Variants in KLHDC1 observed in about 807,000 individuals in gnomAD.
The protein encoded by KLHDC1 is kelch domain-containing protein 1.
KLHDC1 carries 53 observed loss-of-function variants against 68.3 expected under a neutral mutation model. The ratio of observed to expected loss-of-function variants is 0.78; its 90% CI spans 0.62 to 0.98. The LOEUF (loss-of-function observed/expected upper bound fraction) is 0.98. Ranked by LOEUF, KLHDC1 falls within the 50% of genes least tolerant of loss-of-function variation. KLHDC1 has a pLI of 0.00. For missense variants in KLHDC1, 470 were observed against 492.3 expected (o/e 0.95, Z 0.43); for synonymous variants, 148 against 159.0 (o/e 0.93, Z 0.52).
Position 49,709,151 on chromosome 14 carries a change from A to AT in KLHDC1, c.97-3dup. On this transcript the variant is annotated splice_region_variant and splice_polypyrimidine_tract_variant and intron_variant, in intron 1 of 12. Transcript: ENST00000359332. ...ATAAACATAATTTTATGTATTCTGT[A>AT]TTTTTAGTCTATTGAAGACAATGAA... is the stretch of plus-strand genomic sequence containing the variant. The AT allele has an allele frequency of 8.8e-7, 1 of 1,137,168 alleles. No individual in the cohort carries two copies. 70.4% of individuals were successfully genotyped at this position (1,137,168 alleles called of 1,614,324 possible).
At position 49,741,555 on chromosome 14, in the gene KLHDC1, C is replaced by T. The variant is rs149295020; in HGVS notation, c.981+1373C>T. 5.3e-3 allele frequency among the ~76,000 whole-genome samples: 807 copies of T among 152,228 alleles called. 7 individuals are homozygous for T. The highest frequency in any genetic ancestry group is 0.019 in the African/African-American group (773 of 41,530). The stretch of plus-strand genomic sequence containing the variant: ...CTCCTGACCTCAAGTGATCCACTCA[C>T]CTCAGCCTCCCGAAGTGCAGGGATT... On this transcript the variant is annotated intron_variant, in intron 11 of 12. Coordinates refer to ENST00000359332, the MANE Select transcript of KLHDC1 (RefSeq NM_172193.3).
At chr14:49,699,097 G>A (rs1428514089) in intron 1 of KLHDC1, among the ~76,000 whole-genome samples, 1 of 150,204 alleles carries the variant, frequency 6.7e-6, no homozygotes, top group Non-Finnish European at 1.5e-5. Flanking sequence ...CCAGAAGGCG[G>A]AGGTTGCAGT....
chr14:49,743,271 G>T (rs1208404962), intron 11 of KLHDC1, among the ~76,000 whole-genome samples: 1 of 151,110 alleles, frequency 6.6e-6, no homozygotes, highest in East Asian at 1.9e-4. Context: ...ATGGTAGTGG[G>T]CGCCTGTAAT....
At position 49,751,797 on chromosome 14, in the gene KLHDC1, G is replaced by A. The variant is rs375482922; in HGVS notation, c.*25G>A. 16 of 1,276,340 alleles carry A rather than the reference G, an allele frequency of 1.3e-5. No individual in the cohort carries two copies. Among genetic ancestry groups the A allele is most frequent in the Admixed American group, 2.4e-5 (1 of 42,340 alleles). 79.1% of individuals were successfully genotyped at this position (1,276,340 alleles called of 1,614,324 possible). A position where few individuals can be genotyped will look rare whatever the true frequency, so the allele number is the denominator to read the frequency against. ...AATTGTTATATACTTTACATATTTA[G>A]TATGTTTTAACTTTTTAATCAGACT... is the stretch of plus-strand genomic sequence containing the variant. On this transcript the variant is annotated 3_prime_UTR_variant, in exon 13 of 13. Transcript: ENST00000359332.
At chr14:49,693,413 G>GC (rs1324834052) in intron 1 of KLHDC1, 123 bp downstream of exon 1, 14 of 527,838 alleles carry the variant, frequency 2.7e-5, no homozygotes, top group Non-Finnish European at 3.5e-5. Flanking sequence ...GGCGCCTGCA[G>GC]CCCCCCAGCC....
intron 1 of KLHDC1, among the ~76,000 whole-genome samples, chr14:49,698,918 C>T (rs1887820476): frequency 6.6e-6 from 1 of 151,822 alleles, no homozygotes; most frequent in African/African-American, 2.4e-5. Flanking sequence ...GTAATCCCAG[C>T]ACTTTGGAGG....
intron 1 of KLHDC1, among the ~76,000 whole-genome samples, chr14:49,706,565 C>G (rs1007600099): frequency 3.3e-5 from 5 of 152,196 alleles, no homozygotes; most frequent in East Asian, 1.9e-4. Context: ...AAACTGTTCT[C>G]CATAGTAGTT....
intron 5 of KLHDC1, 42 bp downstream of exon 5, chr14:49,723,994 A>G (rs368016131): frequency 1.9e-5 from 22 of 1,147,178 alleles, no homozygotes; most frequent in Non-Finnish European, 2.3e-5. Flanking sequence ...CCAAGTCAGT[A>G]TAGCCTTAAC....
At chr14:49,694,790 G>C (rs563887990) in intron 1 of KLHDC1, among the ~76,000 whole-genome samples, 1 of 152,280 alleles carries the variant, frequency 6.6e-6, no homozygotes, top group East Asian at 1.9e-4. Flanking sequence ...GGAGGCGGAG[G>C]TTGCAGTAAG....
Position 49,711,378 on chromosome 14 carries a change from T to A in KLHDC1, c.404+997T>A, listed in dbSNP as rs190037586. On this transcript the variant is annotated intron_variant, in intron 4 of 12. Transcript: ENST00000359332. ...CACCACGCTGGCTAATTTTTTTTTGTATTTTTATTAGAGACAGGGTTTCAC... is the reference window on the plus strand; with the variant it reads ...CACCACGCTGGCTAATTTTTTTTTGAATTTTTATTAGAGACAGGGTTTCAC... 7.0e-4 allele frequency among the ~76,000 whole-genome samples: 106 copies of A among 152,182 alleles called. 2 individuals carry two copies. In the East Asian group the frequency reaches 0.018, roughly 26 times the overall value.
chr14:49,734,576 CATG>C lies in KLHDC1; in HGVS notation c.824-10_824-8del. ...GACCTAATCTTAATTTCTGAACTGT[CATG>C]ATATTGCAGGTGATGGTTGGATTCA... On this transcript the variant is annotated splice_polypyrimidine_tract_variant and intron_variant, in intron 9 of 12. Coordinates refer to ENST00000359332, the MANE Select transcript of KLHDC1 (RefSeq NM_172193.3). The C allele has an allele frequency of 1.3e-6, 2 of 1,524,228 alleles. No individual in the cohort carries two copies. Among genetic ancestry groups the C allele is most frequent in the Non-Finnish European group, 1.8e-6 (2 of 1,115,046 alleles). 94.4% of individuals were successfully genotyped at this position (1,524,228 alleles called of 1,614,324 possible).
intron 4 of KLHDC1, among the ~76,000 whole-genome samples, chr14:49,723,573 C>T (rs1888590624): frequency 1.3e-5 from 2 of 152,058 alleles, no homozygotes; most frequent in Non-Finnish European, 2.9e-5. Flanking sequence ...TTTGCCATGC[C>T]AATATAAATG....
chr14:49,726,772 G>T (rs552328209), intron 6 of KLHDC1, among the ~76,000 whole-genome samples: 1 of 152,298 alleles, frequency 6.6e-6, no homozygotes, highest in African/African-American at 2.4e-5. Context: ...TCAGGAACCG[G>T]AGCAGGTTAC....
chr14:49,751,823 A>G lies in KLHDC1; in HGVS notation c.*51A>G, dbSNP rs534606480. On this transcript the variant is annotated 3_prime_UTR_variant, in exon 13 of 13. Transcript: ENST00000359332. The stretch of plus-strand genomic sequence containing the variant: ...TATGTTTTAACTTTTTAATCAGACT[A>G]TACATTTACACTCCCAAATTGCAGG... 1.2e-5 allele frequency: 11 copies of G among 909,056 alleles called. No individual in the cohort carries two copies. In the African/African-American group the frequency reaches 1.4e-4, roughly 11 times the overall value. 56.3% of individuals were successfully genotyped at this position (909,056 alleles called of 1,614,324 possible). A position where few individuals can be genotyped will look rare whatever the true frequency, so the allele number is the denominator to read the frequency against.
At chr14:49,721,901 C>G (rs939381550) in intron 4 of KLHDC1, among the ~76,000 whole-genome samples, 3 of 152,162 alleles carry the variant, frequency 2.0e-5, no homozygotes, top group Non-Finnish European at 4.4e-5. Flanking sequence ...CTTTGGAGGG[C>G]AGGTACTCTA....
intron 4 of KLHDC1, among the ~76,000 whole-genome samples, chr14:49,718,621 A>G (rs1419960822): frequency 6.6e-6 from 1 of 152,022 alleles, no homozygotes; most frequent in East Asian, 1.9e-4. Flanking sequence ...TAGTATCAGT[A>G]GTAATATTTC....
chr14:49,721,134 T>C (rs1888514519), intron 4 of KLHDC1, among the ~76,000 whole-genome samples: 1 of 152,146 alleles, frequency 6.6e-6, no homozygotes, highest in African/African-American at 2.4e-5. Context: ...AAGTCTTTTC[T>C]CTCATCATCA....
At chr14:49,704,908 G>A (rs10129687) in intron 1 of KLHDC1, among the ~76,000 whole-genome samples, 143,973 of 152,208 alleles carry the variant, frequency 0.95, 68,636 homozygotes, top group East Asian at 1. Context: ...CTCTGGGAGC[G>A]TAACAAGATA....
chr14:49,697,718 G>T (rs1887784229), intron 1 of KLHDC1, among the ~76,000 whole-genome samples: 1 of 152,146 alleles, frequency 6.6e-6, no homozygotes, highest in Non-Finnish European at 1.5e-5. Context: ...TTTTTAATTT[G>T]GTTCAGTACC....
Sources: allele counts gnomAD v4.1 joint callset (sites outside exome capture counted in the v4.1 genomes callset), GRCh38; gene constraint gnomAD v4.1.1; transcripts MANE v1.5; gene names NCBI Gene and HGNC (gene_info 2026-07-23, HGNC 2026-07-21).